The following NOVA1 variants were observed in gnomAD, a reference collection of about 807,000 sequenced individuals.
NOVA1 encodes RNA-binding protein Nova-1.
Under a neutral mutation model 38.0 loss-of-function variants are expected in NOVA1, and 7 were observed. The observed-to-expected ratio is 0.18, with a 90% CI of 0.10 to 0.35. The LOEUF (loss-of-function observed/expected upper bound fraction) is 0.35, where lower values mean the gene tolerates loss of function less well. Ranked by LOEUF, NOVA1 falls within the 10% of genes least tolerant of loss-of-function variation. The pLI, the probability that NOVA1 is intolerant of heterozygous loss-of-function variation, is 1.00. For missense variants in NOVA1, 460 were observed against 616.0 expected (o/e 0.75, Z 2.68); for synonymous variants, 270 against 232.5 (o/e 1.16, Z -1.47).
chr14:26,569,649 A>G (rs1346384646), intron 2 of NOVA1, among the ~76,000 whole-genome samples: 1 of 152,202 alleles, frequency 6.6e-6, no homozygotes, highest in African/African-American at 2.4e-5. Context: ...TTAGATCTAT[A>G]TATACAATTT....
At chr14:26,484,440 A>C (rs1235225808) in intron 2 of NOVA1, among the ~76,000 whole-genome samples, 2 of 149,728 alleles carry the variant, frequency 1.3e-5, no homozygotes, top group Admixed American at 6.6e-5. Flanking sequence ...AAAAAAAAAA[A>C]AAAAAAAAAA....
At chr14:26,504,426 G>C (rs1213691904) in intron 2 of NOVA1, among the ~76,000 whole-genome samples, 1 of 152,178 alleles carries the variant, frequency 6.6e-6, no homozygotes, top group East Asian at 1.9e-4. Context: ...TAGCTCAAGA[G>C]AGTAAAGGTA....
intron 2 of NOVA1, among the ~76,000 whole-genome samples, chr14:26,486,121 A>T (rs1323033817): frequency 2.6e-5 from 4 of 152,176 alleles, no homozygotes; most frequent in Non-Finnish European, 4.4e-5. Context: ...ATGCAAGTAA[A>T]CATTTAGTTT....
Position 26,597,622 on chromosome 14 carries a change from G to C in NOVA1, c.-186C>G. On this transcript the variant is annotated 5_prime_UTR_variant, in exon 1 of 5. Coordinates refer to ENST00000539517, the MANE Select transcript of NOVA1 (RefSeq NM_002515.3). ...CAATGTTGCTGGTTTGTTCTCACTG[G>C]GGAGGGGGCAGGGCTGAGGAGCAGC... is the stretch of plus-strand genomic sequence containing the variant. The C allele has an allele frequency of 7.4e-6, 9 of 1,219,330 alleles. No individual in the cohort carries two copies. The highest frequency in any genetic ancestry group is 9.2e-6 in the Non-Finnish European group (9 of 982,622). 75.5% of individuals were successfully genotyped at this position (1,219,330 alleles called of 1,614,324 possible).
chr14:26,470,420 C>G, intron 4 of NOVA1: 1 of 1,527,068 alleles, frequency 6.5e-7, no homozygotes, highest in Non-Finnish European at 9.1e-7. Context: ...ACAATTCTTT[C>G]AATGAATTAC....
intron 2 of NOVA1, among the ~76,000 whole-genome samples, chr14:26,518,737 G>A (rs1888658216): frequency 6.6e-6 from 1 of 151,964 alleles, no homozygotes. Context: ...TAGAACACCA[G>A]AACTTATTCC....
chr14:26,580,795 G>A (rs1029004329), intron 2 of NOVA1, among the ~76,000 whole-genome samples: 2 of 151,746 alleles, frequency 1.3e-5, no homozygotes, highest in African/African-American at 4.8e-5. Context: ...TCTATCACCT[G>A]CATTTTTACA....
chr14:26,589,480 A>G lies in NOVA1; in HGVS notation c.280+5930T>C, dbSNP rs562149186. 5.9e-5 allele frequency among the ~76,000 whole-genome samples: 9 copies of G among 151,932 alleles called. No individual in the cohort carries two copies. The East Asian group carries it at 1.7e-3, about 29-fold the overall frequency. ...TAAAATTAAGTTCAAAATCTTAAAA[A>G]TATTTTTAATATGCTACACCTGTCC... On this transcript the variant is annotated intron_variant, in intron 2 of 4. Transcript: ENST00000539517.
intron 4 of NOVA1, among the ~76,000 whole-genome samples, chr14:26,449,976 T>G (rs1309640815): frequency 6.6e-6 from 1 of 152,142 alleles, no homozygotes; most frequent in African/African-American, 2.4e-5. Flanking sequence ...TCCCTAAAAT[T>G]AAAATGTAAA....
intron 4 of NOVA1, among the ~76,000 whole-genome samples, chr14:26,471,321 A>G (rs915220369): frequency 5.9e-5 from 9 of 151,998 alleles, no homozygotes; most frequent in African/African-American, 1.2e-4. Flanking sequence ...GATAATACGC[A>G]AAAGCCACAT....
At chr14:26,491,962 TA>T (rs149513133) in intron 2 of NOVA1, among the ~76,000 whole-genome samples, 2,838 of 140,514 alleles carry the variant, frequency 0.02, 62 homozygotes, top group African/African-American at 0.064. Context: ...CCCATTTCTG[TA>T]AAAAAAAAAA....
chr14:26,555,582 A>G (rs1337032636), intron 2 of NOVA1, among the ~76,000 whole-genome samples: 1 of 152,120 alleles, frequency 6.6e-6, no homozygotes, highest in African/African-American at 2.4e-5. Flanking sequence ...TTTCTACTCT[A>G]CTTTCTCACA....
At chr14:26,462,695 G>C (rs971979863) in intron 4 of NOVA1, among the ~76,000 whole-genome samples, 1 of 152,100 alleles carries the variant, frequency 6.6e-6, no homozygotes, top group African/African-American at 2.4e-5. Flanking sequence ...GCTTCCTCTA[G>C]GCCTGAAGCC....
chr14:26,539,171 G>C (rs902286242), intron 2 of NOVA1, among the ~76,000 whole-genome samples: 1 of 152,038 alleles, frequency 6.6e-6, no homozygotes, highest in Non-Finnish European at 1.5e-5. Context: ...CGAACATAGA[G>C]ACTTCCTGTA....
chr14:26,572,714 T>C (rs1892557655), intron 2 of NOVA1, among the ~76,000 whole-genome samples: 1 of 125,236 alleles, frequency 8.0e-6, no homozygotes, highest in Non-Finnish European at 1.8e-5. Flanking sequence ...CAGCCTTATA[T>C]AAGGAACCGC....
At chr14:26,479,858 TG>T in intron 3 of NOVA1, 118 bp downstream of exon 3, 1 of 1,019,862 alleles carries the variant, frequency 9.8e-7, no homozygotes, top group Non-Finnish European at 1.4e-6. Flanking sequence ...ATGACAACTC[TG>T]GTATGTTTTA....
At chr14:26,566,917 A>C (rs1419056813) in intron 2 of NOVA1, among the ~76,000 whole-genome samples, 1 of 152,124 alleles carries the variant, frequency 6.6e-6, no homozygotes, top group Non-Finnish European at 1.5e-5. Flanking sequence ...ACAAACATTC[A>C]ATTTTTCTCC....
chr14:26,507,441 G>T (rs1035594819), intron 2 of NOVA1, among the ~76,000 whole-genome samples: 1 of 152,122 alleles, frequency 6.6e-6, no homozygotes, highest in African/African-American at 2.4e-5. Flanking sequence ...ATCCATCCCA[G>T]CTTTGTTGAG....
intron 2 of NOVA1, among the ~76,000 whole-genome samples, chr14:26,492,227 A>G (rs947987012): frequency 6.6e-6 from 1 of 152,102 alleles, no homozygotes; most frequent in Non-Finnish European, 1.5e-5. Flanking sequence ...TTTGTTCTAA[A>G]ACTTTGCTTA....
Sources: allele counts gnomAD v4.1 joint callset (sites outside exome capture counted in the v4.1 genomes callset), GRCh38; gene constraint gnomAD v4.1.1; transcripts MANE v1.5; gene names NCBI Gene and HGNC (gene_info 2026-07-23, HGNC 2026-07-21).